The following CAMK2G variants were observed in gnomAD, a reference collection of about 807,000 sequenced individuals.
The protein encoded by CAMK2G is calcium/calmodulin-dependent protein kinase type II subunit gamma.
CAMK2G carries 23 observed loss-of-function variants against 88.7 expected under a neutral mutation model. The ratio of observed to expected loss-of-function variants is 0.26; its 90% CI spans 0.19 to 0.37. CAMK2G has a LOEUF of 0.37. Among genes scored for constraint, CAMK2G ranks in the 10% least tolerant of loss-of-function variants. The probability of loss-of-function intolerance (pLI) is 1.00; values close to 1 mark genes in which losing one functional copy is unlikely to be tolerated. For missense variants in CAMK2G, 476 were observed against 780.8 expected (o/e 0.61, Z 4.65); for synonymous variants, 263 against 294.8 (o/e 0.89, Z 1.11).
In CAMK2G at chr10:73,849,017, C is replaced by T. The variant is rs1319546830; in HGVS notation, c.513G>A (p.Trp171Ter). 6.2e-7 allele frequency: 1 copy of T among 1,605,294 alleles called. No homozygotes were observed. ...AIEVQGEQQA[W>*]FGFAGTPGYL... ...GGAAGACAGGATCACCCTTACCAAACCAAGCCTGCTGCTCTCCCTGTACTT... is the reference window on the plus strand; with the variant it reads ...GGAAGACAGGATCACCCTTACCAAATCAAGCCTGCTGCTCTCCCTGTACTT... The change falls in exon 7 of 23, where the codon TGG (tryptophan) becomes TGA (stop). Residue 171 changes from tryptophan to a stop codon, truncating the protein, a stop_gained. Transcript: ENST00000423381. LOFTEE classifies it high-confidence loss of function.
chr10:73,821,574 A>G, intron 18 of CAMK2G, 108 bp downstream of exon 18: 1 of 823,254 alleles, frequency 1.2e-6, no homozygotes, highest in Admixed American at 2.1e-5. Context: ...CTAGGGGCAT[A>G]GGAGCCAGCA....
At chr10:73,874,119 A>C (rs1416746171) in intron 1 of CAMK2G, among the ~76,000 whole-genome samples, 1 of 8,488 alleles carries the variant, frequency 1.2e-4, no homozygotes, top group Non-Finnish European at 2.3e-4. Flanking sequence ...AAGGGTGCGG[A>C]GGGGCGGGGC....
At position 73,860,709 on chromosome 10, in the gene CAMK2G, T is replaced by C. The variant is rs549822221; in HGVS notation, c.220+121A>G. 7.8e-6 allele frequency: 6 copies of C among 772,052 alleles called. No homozygotes were observed. The African/African-American group carries it at 1.0e-4, about 13-fold the overall frequency. 47.8% of individuals were successfully genotyped at this position (772,052 alleles called of 1,614,324 possible). A position where few individuals can be genotyped will look rare whatever the true frequency, so the allele number is the denominator to read the frequency against. ...AGACACAGTTGCTATCCTGCTCATGTAAAAACAGACACCAGGTGAAGGTCC... is the reference window on the plus strand; with the variant it reads ...AGACACAGTTGCTATCCTGCTCATGCAAAAACAGACACCAGGTGAAGGTCC... On this transcript the variant is annotated intron_variant, in intron 3 of 22. Transcript: ENST00000423381.
At chr10:73,860,582 T>C (rs1373838970) in intron 3 of CAMK2G, among the ~76,000 whole-genome samples, 1 of 152,016 alleles carries the variant, frequency 6.6e-6, no homozygotes, top group Non-Finnish European at 1.5e-5. Flanking sequence ...AGGGAAGAAA[T>C]AGCATCTGAA....
At position 73,848,184 on chromosome 10, in the gene CAMK2G, C is replaced by T. The variant is rs2094385340; in HGVS notation, c.602-102G>A. On this transcript the variant is annotated intron_variant, in intron 8 of 22. Coordinates refer to ENST00000423381, the MANE Select transcript of CAMK2G (RefSeq NM_001367534.1). The surrounding 1 kb of genome is among the most constrained non-coding windows in gnomAD (Gnocchi z 4.5). ...CAGAGCCACCTAGAAAGGCAGGGGCCATACCAGAGTCAGAAGTGGATGCCA... is the reference window on the plus strand; with the variant it reads ...CAGAGCCACCTAGAAAGGCAGGGGCTATACCAGAGTCAGAAGTGGATGCCA... 5 of 747,224 alleles carry T rather than the reference C, an allele frequency of 6.7e-6. No homozygotes were observed. The South Asian group carries it at 7.5e-5, about 11-fold the overall frequency. The allele number at this position is 747,224 out of a possible 1,614,324, so 46.3% of individuals were successfully genotyped here. A position where few individuals can be genotyped will look rare whatever the true frequency, so the allele number is the denominator to read the frequency against.
chr10:73,872,480 T>C (rs1030981641), intron 2 of CAMK2G, among the ~76,000 whole-genome samples: 1 of 152,274 alleles, frequency 6.6e-6, no homozygotes, highest in African/African-American at 2.4e-5. Context: ...CCCTCGCCAG[T>C]AGCAGCCTCC....
chr10:73,844,409 A>C (rs910599480), intron 10 of CAMK2G, among the ~76,000 whole-genome samples: 2 of 150,496 alleles, frequency 1.3e-5, no homozygotes, highest in African/African-American at 4.9e-5. Context: ...CTTTAAAAAG[A>C]AATTTTTTCT....
chr10:73,865,519 T>C (rs1414938446), intron 2 of CAMK2G, among the ~76,000 whole-genome samples: 1 of 152,228 alleles, frequency 6.6e-6, no homozygotes, highest in Non-Finnish European at 1.5e-5. Flanking sequence ...TGACACTTCC[T>C]GTCCTGTAGT....
At chr10:73,819,333 C>A (rs1287818951) in intron 19 of CAMK2G, among the ~76,000 whole-genome samples, 199 bp downstream of exon 19, 1 of 152,108 alleles carries the variant, frequency 6.6e-6, no homozygotes, top group Non-Finnish European at 1.5e-5. Context: ...TCTCATATTT[C>A]TTTGGGCCCC....
chr10:73,854,995 A>G (rs1190424923), intron 3 of CAMK2G, among the ~76,000 whole-genome samples: 2 of 152,150 alleles, frequency 1.3e-5, no homozygotes, highest in Non-Finnish European at 2.9e-5. Context: ...CCATTATTGG[A>G]TATAATGTAT....
intron 18 of CAMK2G, among the ~76,000 whole-genome samples, chr10:73,820,663 A>ATTTTT (rs1198716305): frequency 2.8e-4 from 13 of 46,128 alleles, no homozygotes; most frequent in African/African-American, 1.3e-3. Context: ...CACCCGGCTA[A>ATTTTT]TTTTTTTTTT....
chr10:73,841,341 G>T (rs2093767427), intron 12 of CAMK2G, among the ~76,000 whole-genome samples: 1 of 152,138 alleles, frequency 6.6e-6, no homozygotes, highest in South Asian at 2.1e-4. Context: ...CCAAAACAGT[G>T]AGGCAAGGGG....
intron 3 of CAMK2G, among the ~76,000 whole-genome samples, chr10:73,854,603 G>A (rs996288588): frequency 6.6e-6 from 1 of 152,180 alleles, no homozygotes; most frequent in Non-Finnish European, 1.5e-5. Context: ...CCAGTTCAGT[G>A]CTAGGAGACA....
chr10:73,820,753 A>C (rs1272248270), intron 18 of CAMK2G, among the ~76,000 whole-genome samples: 2 of 140,414 alleles, frequency 1.4e-5, no homozygotes, highest in African/African-American at 5.5e-5. Context: ...GCTCACTGCA[A>C]CCTCCACCTC....
chr10:73,827,884 C>T (rs752896754), intron 15 of CAMK2G, among the ~76,000 whole-genome samples: 9 of 152,236 alleles, frequency 5.9e-5, no homozygotes, highest in Non-Finnish European at 8.8e-5. Context: ...GGTGCCGTAC[C>T]ACCCCTTCCA....
intron 15 of CAMK2G, among the ~76,000 whole-genome samples, chr10:73,825,650 C>T (rs2090679257): frequency 6.6e-6 from 1 of 152,136 alleles, no homozygotes; most frequent in South Asian, 2.1e-4. Context: ...CCACACCTGA[C>T]CCAAAGAAGT....
At position 73,814,986 on chromosome 10, in the gene CAMK2G, C is replaced by G. The variant is rs757289835; in HGVS notation, c.*12+17G>C. On this transcript the variant is annotated intron_variant, in intron 22 of 22. Coordinates refer to ENST00000423381, the MANE Select transcript of CAMK2G (RefSeq NM_001367534.1). ...CCCAGGCCCTTCCAGCCCCTCTCCC[C>G]CGTCAACCAGGTGCACCTGTGGCTG... The G allele has an allele frequency of 1.3e-6, 2 of 1,555,022 alleles. No homozygotes were observed. The highest frequency in any genetic ancestry group is 1.4e-5 in the African/African-American group (1 of 73,808).
chr10:73,817,646 G>C, intron 19 of CAMK2G, 92 bp from the exon 20 acceptor site: 1 of 829,016 alleles, frequency 1.2e-6, no homozygotes, highest in Middle Eastern at 2.2e-4. Flanking sequence ...CCCTGTGATC[G>C]CTTATGACAA....
At chr10:73,832,297 G>A (rs984470745) in intron 14 of CAMK2G, among the ~76,000 whole-genome samples, 1 of 147,212 alleles carries the variant, frequency 6.8e-6, no homozygotes, top group Non-Finnish European at 1.5e-5. Flanking sequence ...TAGAATGATA[G>A]TGTATGTACT....
Sources: gnomAD v4.1 joint callset for allele counts (sites outside exome capture counted in the v4.1 genomes callset) on GRCh38, gnomAD v4.1.1 for gene constraint, Gnocchi (gnomAD v3.1) non-coding constraint, MANE v1.5 for transcripts, NCBI Gene and HGNC (gene_info 2026-07-23, HGNC 2026-07-21) for gene names.